SYT16: variants seen among roughly 807,000 people sequenced by gnomAD.
SYT16 encodes synaptotagmin 16, also known as synaptotagmin-16.
A neutral mutation model predicts 61.4 loss-of-function variants in SYT16; 42 were observed. The ratio of observed to expected loss-of-function variants is 0.68; its 90% CI spans 0.53 to 0.89. SYT16 has a LOEUF of 0.89. Ranked by LOEUF, SYT16 falls within the 40% of genes least tolerant of loss-of-function variation. SYT16 has a pLI of 0.00. For missense variants in SYT16, 804 were observed against 807.3 expected, an observed-to-expected ratio of 1.00 and a Z score of 0.05; for synonymous variants, 314 against 302.3, an observed-to-expected ratio of 1.04 and a Z score of -0.40.
At chr14:61,947,485 AAGGACACACT>A (rs1400636806) in intron 1 of SYT16, among the ~76,000 whole-genome samples, 1 of 152,164 alleles carries the variant, frequency 6.6e-6, no homozygotes, top group Non-Finnish European at 1.5e-5. Context: ...TAGAGCCAAC[AAGGACACACT>A]ACTTATGGGA....
At chr14:61,990,369 C>T (rs2052497361) in intron 2 of SYT16, among the ~76,000 whole-genome samples, 1 of 152,022 alleles carries the variant, frequency 6.6e-6, no homozygotes, top group South Asian at 2.1e-4. Flanking sequence ...TGAAATAAAC[C>T]CATGGTTCTT....
intron 1 of SYT16, among the ~76,000 whole-genome samples, chr14:61,886,676 T>A (rs775175969): frequency 5.9e-5 from 9 of 152,192 alleles, no homozygotes; most frequent in South Asian, 2.1e-4. Flanking sequence ...CCTACTGAAG[T>A]CTTGAGCCCC....
chr14:61,916,128 T>C (rs868361411), intron 1 of SYT16, among the ~76,000 whole-genome samples: 21 of 152,202 alleles, frequency 1.4e-4, no homozygotes, highest in Admixed American at 4.6e-4. Context: ...ATGACTTGCA[T>C]TGTATTTGAA....
In SYT16 at chr14:61,864,874, G is replaced by A; in HGVS notation, c.-325+52064G>A. The A allele has an allele frequency of 4.2e-6, 5 of 1,203,356 alleles. No individual in the cohort carries two copies. The South Asian group carries it at 5.2e-5, about 13-fold the overall frequency. 74.5% of individuals were successfully genotyped at this position (1,203,356 alleles called of 1,614,324 possible). A position where few individuals can be genotyped will look rare whatever the true frequency, so the allele number is the denominator to read the frequency against. On this transcript the variant is annotated intron_variant, in intron 1 of 7. Coordinates refer to ENST00000683842, the MANE Select transcript of SYT16 (RefSeq NM_001367656.1). ...GCATATTCTCCCAGCCACCCCCGGCGGAGACAGTGACCAACTGCGCGGATG... is the reference window on the plus strand; with the variant it reads ...GCATATTCTCCCAGCCACCCCCGGCAGAGACAGTGACCAACTGCGCGGATG...
intron 1 of SYT16, among the ~76,000 whole-genome samples, chr14:61,917,348 G>A (rs78303571): frequency 0.028 from 4,265 of 150,808 alleles, 76 homozygotes; most frequent in African/African-American, 0.042. Flanking sequence ...CAAATCAGTG[G>A]CCTATTCATC....
chr14:62,033,036 C>T (rs2054367920), intron 3 of SYT16, among the ~76,000 whole-genome samples: 1 of 150,652 alleles, frequency 6.6e-6, no homozygotes, highest in African/African-American at 2.4e-5. Flanking sequence ...TAAGGTACCA[C>T]TGAAGTTCAG....
chr14:62,012,321 C>G (rs915031931), intron 3 of SYT16, among the ~76,000 whole-genome samples: 2 of 152,110 alleles, frequency 1.3e-5, no homozygotes, highest in Non-Finnish European at 2.9e-5. Context: ...GACTGAGGGC[C>G]CCAGCTTCTT....
intron 7 of SYT16, among the ~76,000 whole-genome samples, chr14:62,094,097 T>C (rs1453903242): frequency 1.3e-5 from 2 of 152,030 alleles, no homozygotes; most frequent in African/African-American, 4.8e-5. Flanking sequence ...AAGGTGACAT[T>C]TATCACTTCT....
chr14:62,066,820 T>A (rs1451764318), intron 3 of SYT16, among the ~76,000 whole-genome samples: 1 of 152,238 alleles, frequency 6.6e-6, no homozygotes, highest in Non-Finnish European at 1.5e-5. Flanking sequence ...CAGTCTGATG[T>A]GCTCCTCGCC....
intron 3 of SYT16, among the ~76,000 whole-genome samples, chr14:62,014,437 T>C (rs1283707249): frequency 6.6e-6 from 1 of 151,938 alleles, no homozygotes; most frequent in East Asian, 2.0e-4. Flanking sequence ...ACTACCTTAA[T>C]TCAGATATGC....
intron 1 of SYT16, among the ~76,000 whole-genome samples, chr14:61,916,930 T>G (rs560248177): frequency 1.2e-4 from 19 of 152,340 alleles, no homozygotes; most frequent in African/African-American, 4.3e-4. Flanking sequence ...TTCATTCTTT[T>G]TTTAACCAAA....
intron 3 of SYT16, among the ~76,000 whole-genome samples, chr14:62,010,729 T>C (rs2053413345): frequency 6.6e-6 from 1 of 152,086 alleles, no homozygotes; most frequent in Non-Finnish European, 1.5e-5. Context: ...TGTCTTTTTT[T>C]TTGCGGGGAG....
intron 1 of SYT16, among the ~76,000 whole-genome samples, chr14:61,844,061 G>T (rs1368985524): frequency 6.6e-6 from 1 of 152,002 alleles, no homozygotes; most frequent in Non-Finnish European, 1.5e-5. Context: ...ATTTTTTGGT[G>T]CCTTCTTCAA....
intron 1 of SYT16, among the ~76,000 whole-genome samples, chr14:61,844,352 C>T (rs2046380070): frequency 6.6e-6 from 1 of 152,010 alleles, no homozygotes; most frequent in South Asian, 2.1e-4. Context: ...TGACTTCTTC[C>T]TTTCCAATTT....
At chr14:62,045,153 TAAA>T in intron 3 of SYT16, among the ~76,000 whole-genome samples, 1 of 151,924 alleles carries the variant, frequency 6.6e-6, no homozygotes, top group Non-Finnish European at 1.5e-5. Context: ...AATAAATAAA[TAAA>T]TAAATAAAAT....
Position 62,101,713 on chromosome 14 carries a change from AG to A in SYT16, c.*1007del, listed in dbSNP as rs1298253839. 5 of 152,244 alleles carry A rather than the reference AG, an allele frequency of 3.3e-5. No individual in the cohort carries two copies. Among genetic ancestry groups the A allele is most frequent in the African/African-American group, 1.2e-4 (5 of 41,468 alleles). 9.4% of individuals were successfully genotyped at this position (152,244 alleles called of 1,614,324 possible). On this transcript the variant is annotated 3_prime_UTR_variant, in exon 8 of 8. Transcript: ENST00000683842. ...AATATTGATTTGATTGACTCTTCAA[AG>A]TGAACATGTTATAACACCTGTGAAT...
At chr14:61,932,394 C>T (rs1022958642) in intron 1 of SYT16, among the ~76,000 whole-genome samples, 2 of 152,208 alleles carry the variant, frequency 1.3e-5, no homozygotes, top group African/African-American at 4.8e-5. Flanking sequence ...TAATTTCCCA[C>T]AGTTCCACAT....
intron 3 of SYT16, among the ~76,000 whole-genome samples, chr14:62,043,001 A>G (rs548894063): frequency 2.0e-5 from 3 of 151,832 alleles, no homozygotes; most frequent in Admixed American, 1.3e-4. Flanking sequence ...TTTTATGTCT[A>G]TGTGGTGGTA....
chr14:62,000,258 C>T (rs576297505), intron 3 of SYT16, among the ~76,000 whole-genome samples: 9 of 151,378 alleles, frequency 5.9e-5, no homozygotes, highest in South Asian at 4.2e-4. Context: ...CTGTTAAGTA[C>T]GTACATGTAT....
Sources: allele counts gnomAD v4.1 joint callset (sites outside exome capture counted in the v4.1 genomes callset), GRCh38; gene constraint gnomAD v4.1.1; transcripts MANE v1.5; gene names NCBI Gene and HGNC (gene_info 2026-07-23, HGNC 2026-07-21).